EXOC6B: variants seen among roughly 807,000 people sequenced by gnomAD.
EXOC6B encodes SEC15 homolog B.
In EXOC6B, 54 loss-of-function variants were observed where a neutral mutation model predicts 113.5. The ratio of observed to expected loss-of-function variants is 0.48; its 90% CI spans 0.38 to 0.60. EXOC6B has a LOEUF of 0.60. Among genes scored for constraint, EXOC6B ranks in the 20% least tolerant of loss-of-function variants. EXOC6B has a pLI of 0.00. For synonymous variants in EXOC6B, 357 were observed against 339.0 expected, an observed-to-expected ratio of 1.05 and a Z score of -0.58; for missense variants, 797 against 977.5, an observed-to-expected ratio of 0.82 and a Z score of 2.46.
chr2:72,409,104 A>G (rs1256805540), intron 18 of EXOC6B, among the ~76,000 whole-genome samples: 1 of 152,212 alleles, frequency 6.6e-6, no homozygotes, highest in Admixed American at 6.5e-5. Flanking sequence ...CAGCCAAAAG[A>G]CACATGAAAA....
At chr2:72,235,400 A>G (rs1246367971) in intron 20 of EXOC6B, among the ~76,000 whole-genome samples, 1 of 152,156 alleles carries the variant, frequency 6.6e-6, no homozygotes, top group African/African-American at 2.4e-5. Flanking sequence ...ACCAGGGCCT[A>G]CTTGAAGGTG....
At chr2:72,403,701 G>A (rs763219617) in intron 18 of EXOC6B, among the ~76,000 whole-genome samples, 2 of 152,006 alleles carry the variant, frequency 1.3e-5, no homozygotes, top group South Asian at 2.1e-4. Flanking sequence ...GCAAGACCCT[G>A]TCCTTAAAAA....
intron 19 of EXOC6B, among the ~76,000 whole-genome samples, chr2:72,374,693 G>A (rs1412866081): frequency 6.6e-6 from 1 of 151,530 alleles, no homozygotes. Flanking sequence ...AGTATGATTA[G>A]ATTGTAACAC....
chr2:72,667,747 G>T (rs1377447071), intron 6 of EXOC6B, among the ~76,000 whole-genome samples: 1 of 152,134 alleles, frequency 6.6e-6, no homozygotes, highest in Non-Finnish European at 1.5e-5. Context: ...AGAATTAAAT[G>T]TAAGACCTCA....
chr2:72,639,053 A>G (rs1234397835), intron 6 of EXOC6B, among the ~76,000 whole-genome samples: 1 of 152,114 alleles, frequency 6.6e-6, no homozygotes, highest in African/African-American at 2.4e-5. Context: ...GTGACCATGC[A>G]CTATCTCACA....
chr2:72,605,034 C>G (rs1670662962), intron 6 of EXOC6B, among the ~76,000 whole-genome samples: 1 of 152,086 alleles, frequency 6.6e-6, no homozygotes, highest in Admixed American at 6.5e-5. Context: ...TGGCTCACGC[C>G]TGTAATCCCA....
chr2:72,315,255 C>T (rs1687440827), intron 20 of EXOC6B, among the ~76,000 whole-genome samples: 1 of 152,050 alleles, frequency 6.6e-6, no homozygotes, highest in Admixed American at 6.6e-5. Flanking sequence ...GGAGTGTACC[C>T]AGCATGTCTA....
intron 18 of EXOC6B, among the ~76,000 whole-genome samples, chr2:72,442,361 C>G (rs186986668): frequency 1.2e-3 from 190 of 152,248 alleles, no homozygotes; most frequent in African/African-American, 4.2e-3. Flanking sequence ...AGGATGCCCT[C>G]TCTCAAGACT....
intron 1 of EXOC6B, among the ~76,000 whole-genome samples, chr2:72,798,222 T>C (rs902214183): frequency 1.3e-5 from 2 of 152,166 alleles, no homozygotes; most frequent in African/African-American, 4.8e-5. Context: ...AAGATTTACC[T>C]CTTGCAAAAG....
intron 8 of EXOC6B, among the ~76,000 whole-genome samples, chr2:72,530,579 T>C (rs1701952303): frequency 6.6e-6 from 1 of 152,172 alleles, no homozygotes; most frequent in African/African-American, 2.4e-5. Context: ...GTTCTATAAA[T>C]GCCAGTTTAT....
chr2:72,825,818 G>A lies in EXOC6B; in HGVS notation c.93C>T (p.Ala31=). Residue 31 remains alanine, a synonymous_variant, in exon 1 of 22, where the codon GCC becomes GCT. Transcript: ENST00000272427. This position sits in a 1 kb window ranked among gnomAD's most constrained non-coding sequence, Gnocchi z 4.4. The stretch of plus-strand genomic sequence containing the variant: ...GGTACCTGAGCGTGGGCCCGATGCA[G>A]GCCGTGTCAGTGCTCTCGATCTCTC... The part of the protein sequence containing the change: ...ILREIESTDT[A]CIGPTLRSVY... 6.8e-6 allele frequency: 11 copies of A among 1,613,252 alleles called. No homozygotes were observed. The highest frequency in any genetic ancestry group is 9.3e-6 in the Non-Finnish European group (11 of 1,179,692).
intron 1 of EXOC6B, among the ~76,000 whole-genome samples, chr2:72,742,182 C>T (rs981906998): frequency 6.6e-6 from 1 of 152,178 alleles, no homozygotes; most frequent in Non-Finnish European, 1.5e-5. Context: ...GTTCCAAGCT[C>T]GTATCTACAA....
chr2:72,292,580 G>T (rs755334534), intron 20 of EXOC6B, among the ~76,000 whole-genome samples: 1 of 151,786 alleles, frequency 6.6e-6, no homozygotes, highest in Non-Finnish European at 1.5e-5. Context: ...TTCTATAAAA[G>T]TTTATCACAT....
chr2:72,629,701 C>G (rs1672269797), intron 6 of EXOC6B, among the ~76,000 whole-genome samples: 1 of 152,232 alleles, frequency 6.6e-6, no homozygotes, highest in East Asian at 1.9e-4. Flanking sequence ...TATTTCTTCA[C>G]CTTGTATAAA....
chr2:72,326,551 T>G (rs904576289), intron 20 of EXOC6B, among the ~76,000 whole-genome samples: 2 of 152,004 alleles, frequency 1.3e-5, no homozygotes, highest in African/African-American at 4.8e-5. Flanking sequence ...AAAGCTGAAA[T>G]GGAATGGAAC....
chr2:72,738,345 G>C (rs894210214), intron 2 of EXOC6B, among the ~76,000 whole-genome samples: 5 of 152,174 alleles, frequency 3.3e-5, no homozygotes, highest in Non-Finnish European at 7.3e-5. Context: ...AAACCTAAGA[G>C]TCATGGGCTC....
chr2:72,487,258 C>T (rs1309171312), intron 16 of EXOC6B, among the ~76,000 whole-genome samples: 1 of 152,212 alleles, frequency 6.6e-6, no homozygotes, highest in East Asian at 1.9e-4. Context: ...TAAGATACCA[C>T]ATTACATTTA....
intron 16 of EXOC6B, among the ~76,000 whole-genome samples, chr2:72,486,259 C>G (rs1699415339): frequency 6.6e-6 from 1 of 151,714 alleles, no homozygotes; most frequent in Non-Finnish European, 1.5e-5. Context: ...ATCCCAGCTA[C>G]TCGGGAGGCT....
chr2:72,432,332 G>A (rs1218786986), intron 18 of EXOC6B, among the ~76,000 whole-genome samples: 2 of 152,144 alleles, frequency 1.3e-5, no homozygotes, highest in Non-Finnish European at 2.9e-5. Context: ...TCACTGATGG[G>A]CATTCAGGTT....
Sources: gnomAD v4.1 joint callset for allele counts (sites outside exome capture counted in the v4.1 genomes callset) on GRCh38, gnomAD v4.1.1 for gene constraint, Gnocchi (gnomAD v3.1) non-coding constraint, MANE v1.5 for transcripts, NCBI Gene and HGNC (gene_info 2026-07-23, HGNC 2026-07-21) for gene names.